Variants in USP38 observed in about 807,000 individuals in gnomAD.
USP38 encodes ubiquitin specific peptidase 38.
USP38 carries 49 observed loss-of-function variants against 94.3 expected under a neutral mutation model. The observed-to-expected ratio is 0.52, with a 90% CI of 0.41 to 0.66. USP38 has a LOEUF of 0.66. USP38 is among the 30% of genes least tolerant of loss of function. The pLI is 0.00. For missense variants in USP38, 1,128 were observed against 1,229.4 expected (o/e 0.92, Z 1.23); for synonymous variants, 468 against 463.6 (o/e 1.01, Z -0.12).
At chr4:143,212,294 T>G (rs773294403) in intron 7 of USP38, 24 bp from the exon 8 acceptor site, 2 of 1,564,820 alleles carry the variant, frequency 1.3e-6, no homozygotes, top group Non-Finnish European at 1.7e-6. Context: ...CACTTCCTTA[T>G]ATTTTCTCAA....
chr4:143,220,334 G>A lies in USP38; in HGVS notation c.3007G>A (p.Ala1003Thr), dbSNP rs1160312185. ...LNARARALQA[A>T]SASCSFRPNG... ...TGCTCGAGCCCGGGCCCTCCAAGCT[G>A]CATCTGCTTCATGTTCATTTCGGCC... The change falls in exon 10 of 10, where the codon GCA (alanine) becomes ACA (threonine). Residue 1003 changes from alanine to threonine, a missense_variant. Coordinates refer to ENST00000307017, the MANE Select transcript of USP38 (RefSeq NM_032557.6). 1 of 1,613,090 alleles carries A rather than the reference G, an allele frequency of 6.2e-7. No homozygotes were observed. The highest frequency in any genetic ancestry group is 8.5e-7 in the Non-Finnish European group (1 of 1,179,438).
In USP38 at chr4:143,220,432, T is replaced by C. The variant is rs1732293769; in HGVS notation, c.3105T>C (p.Asn1035=). 2.5e-6 allele frequency: 4 copies of C among 1,612,936 alleles called. No homozygotes were observed. The highest frequency in any genetic ancestry group is 3.4e-6 in the Non-Finnish European group (4 of 1,179,394). The change falls in exon 10 of 10, where the codon AAT becomes AAC. Residue 1035 remains asparagine (N), a synonymous_variant. Coordinates refer to ENST00000307017, the MANE Select transcript of USP38 (RefSeq NM_032557.6). ...GTGGAGGGGGTGGAGGAGGATTTAA[T>C]ACAGTTGGCAGACTCGTATTTTGAT... ...PTGGGGGGGF[N]TVGRLVF
At chr4:143,206,963 C>T (rs1345152282) in intron 6 of USP38, among the ~76,000 whole-genome samples, 1 of 152,208 alleles carries the variant, frequency 6.6e-6, no homozygotes, top group Non-Finnish European at 1.5e-5. Context: ...AATTACTGAA[C>T]ACATGTATAA....
In USP38 at chr4:143,214,810, T is replaced by C. The variant is rs891297473; in HGVS notation, c.2834T>C (p.Leu945Ser). The C allele has an allele frequency of 1.1e-5, 18 of 1,613,604 alleles. No homozygotes were observed. The highest frequency in any genetic ancestry group is 1.5e-5 in the Non-Finnish European group (18 of 1,179,782). Reference protein sequence around the residue: ...RFPKDTAYVLLYKKQHSTNGL... With the variant: ...RFPKDTAYVLSYKKQHSTNGL... ...CCAAAGGACACAGCTTATGTGCTTT[T>C]GTATAAAAAACAGCATAGTACTAAT... Residue 945 changes from leucine to serine, a missense_variant, in exon 9 of 10, where the codon TTG (leucine) becomes TCG (serine). Coordinates refer to ENST00000307017, the MANE Select transcript of USP38 (RefSeq NM_032557.6).
chr4:143,201,547 G>C (rs1731715253), intron 4 of USP38, among the ~76,000 whole-genome samples: 1 of 152,122 alleles, frequency 6.6e-6, no homozygotes, highest in Non-Finnish European at 1.5e-5. Flanking sequence ...GGGCTTAGGA[G>C]TTGCTAAGTA....
chr4:143,186,088 T>C lies in USP38; in HGVS notation c.638T>C (p.Leu213Pro). 6.2e-7 allele frequency: 1 copy of C among 1,614,210 alleles called. No homozygotes were observed. Among genetic ancestry groups the C allele is most frequent in the Non-Finnish European group, 8.5e-7 (1 of 1,180,032 alleles). The change falls in exon 1 of 10, where the codon CTA becomes CCA. Residue 213 changes from leucine to proline, a missense_variant. Leu to Pro is a moderately conservative substitution (Grantham distance 98, BLOSUM62 -3). Coordinates refer to ENST00000307017, the MANE Select transcript of USP38 (RefSeq NM_032557.6). ...ATCTGGAAGGCCGAGCCTGCCACACTACTGCCTTCCCTGCAAGAAGTTTTT... is the reference window on the plus strand; with the variant it reads ...ATCTGGAAGGCCGAGCCTGCCACACCACTGCCTTCCCTGCAAGAAGTTTTT... ...QNIWKAEPAT[L>P]LPSLQEVFAS... is the part of the protein sequence containing the mutation.
chr4:143,214,323 A>C lies in USP38; in HGVS notation c.2347A>C (p.Asn783His), dbSNP rs777283313. Residue 783 changes from asparagine (N) to histidine (H), a missense_variant, in exon 9 of 10, where the codon AAT becomes CAT. By Grantham distance (68) the Asn-to-His change is moderately conservative. Coordinates refer to ENST00000307017, the MANE Select transcript of USP38 (RefSeq NM_032557.6). ...TCATGTGAGAAGGAAAATTTTAGAC[A>C]ATGTATCACTGCCACTGGTTTTGGA... ...KYHVRRKILD[N>H]VSLPLVLELP... The C allele has an allele frequency of 1.2e-6, 2 of 1,612,672 alleles. No individual in the cohort carries two copies. Among genetic ancestry groups the C allele is most frequent in the African/African-American group, 2.7e-5 (2 of 74,800 alleles).
Position 143,214,808 on chromosome 4 carries a change from T to C in USP38, c.2832T>C (p.Leu944=). ...TTCCAAAGGACACAGCTTATGTGCT[T>C]TTGTATAAAAAACAGCATAGTACTA... ...SRFPKDTAYV[L]LYKKQHSTNG... Residue 944 remains leucine, a synonymous_variant, in exon 9 of 10, where the codon CTT becomes CTC. Transcript: ENST00000307017. 2 of 1,613,714 alleles carry C rather than the reference T, an allele frequency of 1.2e-6. No homozygotes were observed. The highest frequency in any genetic ancestry group is 1.1e-5 in the South Asian group (1 of 91,066).
At chr4:143,209,764 A>G (rs1731974053) in intron 7 of USP38, 107 bp downstream of exon 7, 1 of 638,170 alleles carries the variant, frequency 1.6e-6, no homozygotes, top group East Asian at 3.3e-5. Flanking sequence ...TATAATAGAT[A>G]TCTCACCCAG....
At chr4:143,212,245 A>G (rs1732045759) in intron 7 of USP38, 73 bp from the exon 8 acceptor site, 2 of 1,252,252 alleles carry the variant, frequency 1.6e-6, no homozygotes, top group Non-Finnish European at 2.3e-6. Context: ...TAAACACTGT[A>G]TATTAAGATT....
chr4:143,205,722 C>G (rs973073856), intron 5 of USP38, among the ~76,000 whole-genome samples: 3 of 152,098 alleles, frequency 2.0e-5, no homozygotes, highest in African/African-American at 7.2e-5. Flanking sequence ...TCTCTGACCC[C>G]AAAGTTTTAT....
intron 2 of USP38, among the ~76,000 whole-genome samples, chr4:143,188,451 C>G (rs1223407647): frequency 6.6e-6 from 1 of 151,920 alleles, no homozygotes. Context: ...TAGCCATTTT[C>G]TCTTAGCATT....
intron 4 of USP38, among the ~76,000 whole-genome samples, chr4:143,202,275 G>C (rs1731736961): frequency 6.6e-6 from 1 of 152,142 alleles, no homozygotes; most frequent in African/African-American, 2.4e-5. Flanking sequence ...GCTACAGTGT[G>C]ATTTAAGCAC....
rs1732297211 is a variant in USP38, at chr4:143,220,524, A to G, written c.*68A>G. Reference sequence around the variant, plus strand: ...ACTATGACTGTTAAAATGTCAGACTATAACAAATATCTATCTTTTATTTTT... The same window carrying G: ...ACTATGACTGTTAAAATGTCAGACTGTAACAAATATCTATCTTTTATTTTT... On this transcript the variant is annotated 3_prime_UTR_variant, in exon 10 of 10. Transcript: ENST00000307017. 1.6e-5 allele frequency: 22 copies of G among 1,380,520 alleles called. No individual in the cohort carries two copies. The highest frequency in any genetic ancestry group is 2.6e-5 in the East Asian group (1 of 38,272). The allele number at this position is 1,380,520 out of a possible 1,614,324, so 85.5% of individuals were successfully genotyped here. A position where few individuals can be genotyped will look rare whatever the true frequency, so the allele number is the denominator to read the frequency against.
rs1223636749 is a variant in USP38, at chr4:143,223,595, G to A, written c.*3139G>A. ...TAATAAGTGGAATTGGATGCTTATT[G>A]TGTGCCCAGCACAGTTTAGGAAAAA... On this transcript the variant is annotated 3_prime_UTR_variant, in exon 10 of 10. Coordinates refer to ENST00000307017, the MANE Select transcript of USP38 (RefSeq NM_032557.6). 3 of 152,000 alleles carry A rather than the reference G, an allele frequency of 2.0e-5. No individual in the cohort carries two copies. Among genetic ancestry groups the A allele is most frequent in the Non-Finnish European group, 2.9e-5 (2 of 67,950 alleles). The allele number at this position is 152,000 out of a possible 1,614,324, so 9.4% of individuals were successfully genotyped here. A position where few individuals can be genotyped will look rare whatever the true frequency, so the allele number is the denominator to read the frequency against.
In USP38 at chr4:143,185,462, C is replaced by G; in HGVS notation, c.12C>G (p.Ile4Met). 1 of 1,591,664 alleles carries G rather than the reference C, an allele frequency of 6.3e-7. No homozygotes were observed. The highest frequency in any genetic ancestry group is 8.6e-7 in the Non-Finnish European group (1 of 1,167,754). MDK[I>M]LEGLVSSSHP... ...GCAGCGTGGCGACAATGGACAAGATCCTGGAGGGCCTTGTGAGTTCCTCGC... is the reference window on the plus strand; with the variant it reads ...GCAGCGTGGCGACAATGGACAAGATGCTGGAGGGCCTTGTGAGTTCCTCGC... The change falls in exon 1 of 10, where the codon ATC becomes ATG. Residue 4 changes from isoleucine to methionine, a missense_variant. Coordinates refer to ENST00000307017, the MANE Select transcript of USP38 (RefSeq NM_032557.6).
In USP38 at chr4:143,220,632, GAA is replaced by G. The variant is rs5862624; in HGVS notation, c.*184_*185del. The G allele has an allele frequency of 8.8e-6, 5 of 571,214 alleles. No homozygotes were observed. Among genetic ancestry groups the G allele is most frequent in the Non-Finnish European group, 1.3e-5 (5 of 387,232 alleles). The allele number at this position is 571,214 out of a possible 1,614,324, so 35.4% of individuals were successfully genotyped here. On this transcript the variant is annotated 3_prime_UTR_variant, in exon 10 of 10. Coordinates refer to ENST00000307017, the MANE Select transcript of USP38 (RefSeq NM_032557.6). ...ACATTTATTAACAAAATGCATCATG[GAA>G]AAAAAAATCTACCTCTTAAAATTCC...
rs1445564469 is a variant in USP38 at position 143,220,472 on chromosome 4, A to G, written c.*16A>G. The G allele has an allele frequency of 1.2e-6, 2 of 1,602,982 alleles. No individual in the cohort carries two copies. ...CGTATTTTGATCCTGAGAGAGTCCA[A>G]AATGCACTGGTCACGAAACGTCTAA... is the stretch of plus-strand genomic sequence containing the variant. On this transcript the variant is annotated 3_prime_UTR_variant, in exon 10 of 10. Coordinates refer to ENST00000307017, the MANE Select transcript of USP38 (RefSeq NM_032557.6).
At chr4:143,199,570 C>T (rs1731652130) in intron 4 of USP38, among the ~76,000 whole-genome samples, 1 of 152,186 alleles carries the variant, frequency 6.6e-6, no homozygotes, top group Admixed American at 6.5e-5. Flanking sequence ...TACTGCTTTC[C>T]ACAATGGTTG....
Sources: allele counts gnomAD v4.1 joint callset (sites outside exome capture counted in the v4.1 genomes callset), GRCh38; gene constraint gnomAD v4.1.1; transcripts MANE v1.5; gene names NCBI Gene and HGNC (gene_info 2026-07-23, HGNC 2026-07-21).